Variants in IQGAP2 observed in about 807,000 individuals in gnomAD.
IQGAP2 encodes the protein IQ motif containing GTPase activating protein 2.
Under a neutral mutation model 201.3 loss-of-function variants are expected in IQGAP2, and 173 were observed. The observed-to-expected ratio is 0.86, with a 90% CI of 0.76 to 0.98. The LOEUF is 0.98. Ranked by LOEUF, IQGAP2 falls within the 50% of genes least tolerant of loss-of-function variation. IQGAP2 has a pLI of 0.00. For synonymous variants in IQGAP2, 675 were observed against 673.9 expected (o/e 1.00, Z -0.03); for missense variants, 1,687 against 1,864.8 (o/e 0.90, Z 1.76).
At chr5:76,572,300 G>A (rs993836305) in intron 4 of IQGAP2, among the ~76,000 whole-genome samples, 2 of 146,114 alleles carry the variant, frequency 1.4e-5, no homozygotes, top group East Asian at 2.0e-4. Flanking sequence ...TGCAACCTCC[G>A]CCTCCCAGGT....
At chr5:76,442,374 A>G (rs1646940794) in intron 1 of IQGAP2, among the ~76,000 whole-genome samples, 1 of 152,228 alleles carries the variant, frequency 6.6e-6, no homozygotes, top group African/African-American at 2.4e-5. Context: ...GTAAAACTAG[A>G]TTATAACATT....
chr5:76,419,703 C>G (rs1000818158), intron 1 of IQGAP2, among the ~76,000 whole-genome samples: 7 of 145,120 alleles, frequency 4.8e-5, no homozygotes, highest in African/African-American at 1.8e-4. Context: ...TAAACACTTT[C>G]AAGCTCTCAA....
intron 1 of IQGAP2, among the ~76,000 whole-genome samples, chr5:76,424,314 T>C (rs929601596): frequency 6.6e-6 from 1 of 152,254 alleles, no homozygotes. Flanking sequence ...ATTTTTATTT[T>C]ATTTTATTTT....
chr5:76,607,922 C>T (rs1747939167), intron 12 of IQGAP2: 1 of 152,254 alleles, frequency 6.6e-6, no homozygotes, highest in African/African-American at 2.4e-5. Flanking sequence ...TGGCAATACC[C>T]ATGCTTCAGT....
chr5:76,560,676 A>G (rs1260475076), intron 2 of IQGAP2, among the ~76,000 whole-genome samples: 1 of 152,168 alleles, frequency 6.6e-6, no homozygotes, highest in Non-Finnish European at 1.5e-5. Context: ...CCTACCATGT[A>G]GCATTGCACA....
intron 2 of IQGAP2, among the ~76,000 whole-genome samples, chr5:76,477,554 CAA>C (rs1403647679): frequency 6.6e-6 from 1 of 152,130 alleles, no homozygotes; most frequent in Non-Finnish European, 1.5e-5. Context: ...ATAGCGCATA[CAA>C]ATGTGTACAG....
At chr5:76,578,479 A>G (rs1745616324) in intron 5 of IQGAP2, among the ~76,000 whole-genome samples, 1 of 151,932 alleles carries the variant, frequency 6.6e-6, no homozygotes, top group Non-Finnish European at 1.5e-5. Flanking sequence ...TGCCCAGCTA[A>G]TTTTTTGTAT....
chr5:76,576,910 T>A (rs1463937841), intron 5 of IQGAP2, among the ~76,000 whole-genome samples: 1 of 152,242 alleles, frequency 6.6e-6, no homozygotes, highest in East Asian at 1.9e-4. Context: ...AGTATCATTA[T>A]GCCACAGGTT....
chr5:76,677,404 T>A, intron 28 of IQGAP2, 54 bp downstream of exon 28: 2 of 1,566,792 alleles, frequency 1.3e-6, no homozygotes, highest in South Asian at 2.3e-5. Context: ...TAGGCATCTG[T>A]TATCTTGAAA....
At chr5:76,606,081 C>A in intron 11 of IQGAP2, 98 bp from the exon 12 acceptor site, 2 of 1,081,646 alleles carry the variant, frequency 1.8e-6, no homozygotes, top group Non-Finnish European at 2.6e-6. Flanking sequence ...TGTCTAACTT[C>A]ATAACAACTA....
chr5:76,563,764 T>C (rs1255373355), intron 3 of IQGAP2, among the ~76,000 whole-genome samples: 1 of 152,210 alleles, frequency 6.6e-6, no homozygotes, highest in East Asian at 1.9e-4. Flanking sequence ...CTGCAGATTT[T>C]CCAGTATTCT....
chr5:76,675,828 T>C (rs1428200917), intron 27 of IQGAP2, among the ~76,000 whole-genome samples: 3 of 151,718 alleles, frequency 2.0e-5, no homozygotes. Context: ...CTACAGAAAG[T>C]GTTGATTTTT....
intron 2 of IQGAP2, among the ~76,000 whole-genome samples, chr5:76,462,327 C>T (rs574701640): frequency 5.3e-5 from 8 of 152,324 alleles, no homozygotes; most frequent in African/African-American, 1.9e-4. Context: ...AGGTTTATGA[C>T]AGCAATCTCC....
chr5:76,569,525 C>T lies in IQGAP2; in HGVS notation c.304-1055C>T, dbSNP rs769196927. ...GTGATTGGAACACATGGTTCAATCA[C>T]GAATAGTGGCCACCATTGAGAAGGC... On this transcript the variant is annotated intron_variant, in intron 3 of 35. Transcript: ENST00000274364. 3.9e-5 allele frequency among the ~76,000 whole-genome samples: 6 copies of T among 152,046 alleles called. 1 individual carries two copies. Among genetic ancestry groups the T allele is most frequent in the Non-Finnish European group, 5.9e-5 (4 of 68,024 alleles).
intron 2 of IQGAP2, among the ~76,000 whole-genome samples, chr5:76,537,576 G>A (rs752080330): frequency 4.0e-5 from 6 of 151,718 alleles, no homozygotes; most frequent in Non-Finnish European, 7.4e-5. Flanking sequence ...TGAATTATTC[G>A]GGAAGAGGGT....
At chr5:76,448,775 A>C (rs1753553406) in intron 1 of IQGAP2, among the ~76,000 whole-genome samples, 1 of 152,240 alleles carries the variant, frequency 6.6e-6, no homozygotes, top group African/African-American at 2.4e-5. Context: ...ATACTGGTCA[A>C]CTGGCAAAAT....
Position 76,641,011 on chromosome 5 carries a change from C to T in IQGAP2, c.2002C>T (p.Gln668Ter). Residue 668 changes from glutamine (Q) to a stop codon, truncating the protein, a stop_gained, in exon 17 of 36, where the codon CAA becomes TAA. Coordinates refer to ENST00000274364, the MANE Select transcript of IQGAP2 (RefSeq NM_006633.5). LOFTEE classifies it high-confidence loss of function. ...TTCAGAAGAGTTGCTTCTTCGCTTT[C>T]AAGCCACAAGCTCAGGACCCATCCT... ...SASEELLLRF[Q>*]ATSSGPILRE... 1 of 1,605,664 alleles carries T rather than the reference C, an allele frequency of 6.2e-7. No individual in the cohort carries two copies. Among genetic ancestry groups the T allele is most frequent in the Non-Finnish European group, 8.5e-7 (1 of 1,175,946 alleles).
chr5:76,446,352 T>C (rs991469242), intron 1 of IQGAP2, among the ~76,000 whole-genome samples: 1 of 146,918 alleles, frequency 6.8e-6, no homozygotes, highest in African/African-American at 2.7e-5. Context: ...CACCACTCGT[T>C]GTTTTTTTAA....
intron 2 of IQGAP2, among the ~76,000 whole-genome samples, chr5:76,523,709 T>A (rs1019040482): frequency 1.3e-5 from 2 of 152,178 alleles, no homozygotes; most frequent in Non-Finnish European, 2.9e-5. Flanking sequence ...CATACATTTT[T>A]AAAGTGCTTT....
Sources: allele counts gnomAD v4.1 joint callset (sites outside exome capture counted in the v4.1 genomes callset), GRCh38; gene constraint gnomAD v4.1.1; transcripts MANE v1.5; gene names NCBI Gene and HGNC (gene_info 2026-07-23, HGNC 2026-07-21).